The following ZNF142 variants were observed in gnomAD, a reference collection of about 807,000 sequenced individuals.
ZNF142 encodes zinc finger protein 142 (clone pHZ-49).
ZNF142 carries 96 observed loss-of-function variants against 132.1 expected under a neutral mutation model. That is an observed-to-expected ratio of 0.73 (90% CI 0.62 to 0.86). The LOEUF is 0.86. Among genes scored for constraint, ZNF142 ranks in the 40% least tolerant of loss-of-function variants. The probability of loss-of-function intolerance (pLI) is 0.00; values close to 1 mark genes in which losing one functional copy is unlikely to be tolerated. For missense variants in ZNF142, 2,163 were observed against 2,336.2 expected, an observed-to-expected ratio of 0.93 and a Z score of 1.53; for synonymous variants, 842 against 890.1, an observed-to-expected ratio of 0.95 and a Z score of 0.96.
chr2:218,638,207 G>C lies in ZNF142; in HGVS notation c.*132C>G. 1 of 771,340 alleles carries C rather than the reference G, an allele frequency of 1.3e-6. No individual in the cohort carries two copies. The highest frequency in any genetic ancestry group is 1.9e-6 in the Non-Finnish European group (1 of 538,914). The allele number at this position is 771,340 out of a possible 1,614,324, so 47.8% of individuals were successfully genotyped here. ...TCAAAGTACTATAGCCAGAGTCCCA[G>C]GAAGGTTCTAGTCACCCTTGTACCC... On this transcript the variant is annotated 3_prime_UTR_variant, in exon 11 of 11. Transcript: ENST00000411696.
rs368240968 is a variant in ZNF142 at position 218,649,014 on chromosome 2, G to A, written c.1494C>T (p.Pro498=). The change falls in exon 7 of 11, where the codon CCC becomes CCT. Residue 498 remains proline, a synonymous_variant. Transcript: ENST00000411696. ...CFQEGCSYAA[P]DRKAFIKHLK... ...GGTGCTTAATGAAGGCCTTGCGGTC[G>A]GGTGCTGCATAGCTGCAGCCCTCCT... 3.0e-5 allele frequency: 49 copies of A among 1,612,362 alleles called. No individual in the cohort carries two copies. The highest frequency in any genetic ancestry group is 2.0e-4 in the East Asian group (9 of 44,888).
In ZNF142 at chr2:218,636,591, C is replaced by T. The variant is rs150976760; in HGVS notation, c.*1748G>A. 5.0e-3 allele frequency: 8,058 copies of T among 1,611,804 alleles called. 63 individuals carry two copies. The highest frequency in any genetic ancestry group is 0.022 in the South Asian group (1,986 of 90,980). On this transcript the variant is annotated 3_prime_UTR_variant, in exon 11 of 11. Coordinates refer to ENST00000411696, the MANE Select transcript of ZNF142 (RefSeq NM_001379659.1). ...GATGAGTCCTGAGGTGGGCATTTCACGGGAAGGGTTGGTGTGCTGGCTTTA... is the reference window on the plus strand; with the variant it reads ...GATGAGTCCTGAGGTGGGCATTTCATGGGAAGGGTTGGTGTGCTGGCTTTA...
chr2:218,634,841 GC>G lies in ZNF142; in HGVS notation c.*3497del, dbSNP rs1696620530. Among the ~76,000 whole-genome samples the G allele has an allele frequency of 6.6e-6, 1 of 152,162 alleles. No individual in the cohort carries two copies. Among genetic ancestry groups the G allele is most frequent in the Admixed American group, 6.5e-5 (1 of 15,274 alleles). ...CCTTAACCTCTCCATACCTCAGTCTGCTCACCTGCAAAATAGGGGTAACACT... is the reference window on the plus strand; with the variant it reads ...CCTTAACCTCTCCATACCTCAGTCTGTCACCTGCAAAATAGGGGTAACACT... On this transcript the variant is annotated 3_prime_UTR_variant, in exon 11 of 11. Coordinates refer to ENST00000411696, the MANE Select transcript of ZNF142 (RefSeq NM_001379659.1). This position sits in a 1 kb window ranked among gnomAD's most constrained non-coding sequence, Gnocchi z 4.0.
chr2:218,643,968 C>T lies in ZNF142; in HGVS notation c.3148G>A (p.Ala1050Thr), dbSNP rs1697500120. ...CCAGTCCTGGAGTGCAGATTCAGGGCCTTCTCCCGGCGAGTGATAAAAGGG... is the reference window on the plus strand; with the variant it reads ...CCAGTCCTGGAGTGCAGATTCAGGGTCTTCTCCCGGCGAGTGATAAAAGGG... ...HCPFITRREK[A>T]LNLHSRTGCQ... Residue 1050 changes from alanine to threonine, a missense_variant, in exon 9 of 11, where the codon GCC (alanine) becomes ACC (threonine). This residue lies in a region of ZNF142 where 809 missense variants were observed against 801.7 expected (regional missense o/e 1.01). Coordinates refer to ENST00000411696, the MANE Select transcript of ZNF142 (RefSeq NM_001379659.1). 1 of 1,614,134 alleles carries T rather than the reference C, an allele frequency of 6.2e-7. No homozygotes were observed. Among genetic ancestry groups the T allele is most frequent in the Non-Finnish European group, 8.5e-7 (1 of 1,180,026 alleles).
At chr2:218,657,194 G>T (rs987903068) in intron 3 of ZNF142, among the ~76,000 whole-genome samples, 1 of 151,894 alleles carries the variant, frequency 6.6e-6, no homozygotes, top group Non-Finnish European at 1.5e-5. Flanking sequence ...TCATCATCTG[G>T]CTCCTGCTGA....
In ZNF142 at chr2:218,635,700, C is replaced by T; in HGVS notation, c.*2639G>A. The stretch of plus-strand genomic sequence containing the variant: ...TATATTACCCATGGAGGATGTTTTA[C>T]AAACCAAAAAGCTTCTTCTCCCCTG... On this transcript the variant is annotated 3_prime_UTR_variant, in exon 11 of 11. Coordinates refer to ENST00000411696, the MANE Select transcript of ZNF142 (RefSeq NM_001379659.1). The T allele has an allele frequency of 6.8e-7, 1 of 1,464,950 alleles. No homozygotes were observed. The highest frequency in any genetic ancestry group is 9.1e-7 in the Non-Finnish European group (1 of 1,101,628). 90.7% of individuals were successfully genotyped at this position (1,464,950 alleles called of 1,614,324 possible).
Position 218,650,407 on chromosome 2 carries a change from C to T in ZNF142, c.1000G>A (p.Asp334Asn), listed in dbSNP as rs1937873521. 2 of 1,614,076 alleles carry T rather than the reference C, an allele frequency of 1.2e-6. No homozygotes were observed. The highest frequency in any genetic ancestry group is 1.7e-6 in the Non-Finnish European group (2 of 1,180,042). ...EKEEKSDTQK[D>N]SQKAVDKGQG... ...CCTTTATCCACAGCCTTTTGGGAGT[C>T]CTTCTGGGTGTCACTCTTCTCTTCT... Residue 334 changes from aspartate to asparagine, a missense_variant, in exon 6 of 11, where the codon GAC becomes AAC. By Grantham distance (23) the Asp-to-Asn change is conservative. Transcript: ENST00000411696.
rs780346164 is a variant in ZNF142, at chr2:218,648,821, TC to T, written c.1686del (p.Lys563SerfsTer29). On this transcript the variant is annotated frameshift_variant, in exon 7 of 11. Coordinates refer to ENST00000411696, the MANE Select transcript of ZNF142 (RefSeq NM_001379659.1). LOFTEE classifies it high-confidence loss of function. Reference protein sequence around the residue: ...CSNKHLFRKHKKQGHPGSEEL... With the variant: ...CSNKHLFRKHXKQGHPGSEEL... ...TCTTCACTGCCAGGGTGGCCCTGCT[TC>T]TTGTGTTTACGGAATAGGTGCTTAT... The T allele has an allele frequency of 1.1e-5, 17 of 1,614,092 alleles. No individual in the cohort carries two copies.
chr2:218,643,841 A>G lies in ZNF142; in HGVS notation c.3275T>C (p.Leu1092Pro). ...STHLLKKCPV[L>P]LRKNKGLPRP... ...GGGCAAGCCCTTGTTCTTTCTGAGT[A>G]GAACAGGGCACTTCTTCAGCAGGTG... is the stretch of plus-strand genomic sequence containing the variant. The change falls in exon 9 of 11, where the codon CTA (leucine) becomes CCA (proline). Residue 1092 changes from leucine (L) to proline (P), a missense_variant. Around this residue, in one of 7 missense-constraint regions of ZNF142, gnomAD observed 809 missense variants for 801.7 expected, o/e 1.01. Coordinates refer to ENST00000411696, the MANE Select transcript of ZNF142 (RefSeq NM_001379659.1). The G allele has an allele frequency of 6.2e-7, 1 of 1,613,892 alleles. No individual in the cohort carries two copies. Among genetic ancestry groups the G allele is most frequent in the South Asian group, 1.1e-5 (1 of 91,014 alleles).
intron 3 of ZNF142, among the ~76,000 whole-genome samples, chr2:218,658,357 T>C (rs915104639): frequency 2.6e-5 from 4 of 152,068 alleles, no homozygotes; most frequent in African/African-American, 7.2e-5. Flanking sequence ...CTGGCGAACA[T>C]TGTGAAACCC....
Position 218,643,152 on chromosome 2 carries a change from G to A in ZNF142, c.3964C>T (p.His1322Tyr), listed in dbSNP as rs1420693074. The change falls in exon 9 of 11, where the codon CAC (histidine) becomes TAC (tyrosine). Residue 1322 changes from histidine (H) to tyrosine (Y), a missense_variant. Transcript: ENST00000411696. ...SCQQERALRTHQIRGCPLEES... is the reference protein window; with the variant it reads ...SCQQERALRTYQIRGCPLEES... ...TCGAGGGGGCAGCCCCGGATCTGGT[G>A]AGTCCTCAGAGCCCGTTCCTGCTGG... 2.5e-6 allele frequency: 4 copies of A among 1,614,208 alleles called. No homozygotes were observed. In the East Asian group the frequency reaches 8.9e-5, roughly 36 times the overall value.
rs188734714 is a variant in ZNF142 at position 218,638,649 on chromosome 2, C to A, written c.5354G>T (p.Arg1785Leu). Residue 1785 changes from arginine to leucine, a missense_variant, in exon 11 of 11, where the codon CGC (arginine) becomes CTC (leucine). Transcript: ENST00000411696. ...ATAGGGTTTGGCCTCACTGTGCTTGCGAAGGTGGGTGCGCAGCAGGAAGCG... is the reference window on the plus strand; with the variant it reads ...ATAGGGTTTGGCCTCACTGTGCTTGAGAAGGTGGGTGCGCAGCAGGAAGCG... Reference protein sequence around the residue: ...KTRFLLRTHLRKHSEAKPYVC... With the variant: ...KTRFLLRTHLLKHSEAKPYVC... The A allele has an allele frequency of 6.2e-7, 1 of 1,614,206 alleles. No individual in the cohort carries two copies. The highest frequency in any genetic ancestry group is 8.5e-7 in the Non-Finnish European group (1 of 1,180,038).
At chr2:218,656,025 C>T in intron 4 of ZNF142, 125 bp downstream of exon 4, 2 of 1,229,436 alleles carry the variant, frequency 1.6e-6, no homozygotes, top group Non-Finnish European at 1.1e-6. Context: ...CAAATGACAA[C>T]ATCTCCAAGT....
rs536417785 is a variant in ZNF142 at position 218,638,893 on chromosome 2, A to C, written c.5195-85T>G. ...GGAGTTACTGCAATCAGTGGATATAAAGAATGCAAGCAGCAAGTTGACTAA... is the reference window on the plus strand; with the variant it reads ...GGAGTTACTGCAATCAGTGGATATACAGAATGCAAGCAGCAAGTTGACTAA... On this transcript the variant is annotated intron_variant, in intron 10 of 10. Transcript: ENST00000411696. 2.1e-5 allele frequency: 23 copies of C among 1,087,984 alleles called. No individual in the cohort carries two copies. The African/African-American group carries it at 3.5e-4, about 16-fold the overall frequency. 67.4% of individuals were successfully genotyped at this position (1,087,984 alleles called of 1,614,324 possible).
rs1327280475 is a variant in ZNF142 at position 218,643,522 on chromosome 2, C to T, written c.3594G>A (p.Lys1198=). Residue 1198 remains lysine (K), a synonymous_variant, in exon 9 of 11, where the codon AAG becomes AAA. Coordinates refer to ENST00000411696, the MANE Select transcript of ZNF142 (RefSeq NM_001379659.1). The part of the protein sequence containing the change: ...GNSSPTEAPK[K]HHLDPVPPAG... ...CAGGAGGGACTGGGTCAAGGTGGTG[C>T]TTCTTAGGGGCCTCCGTGGGTGAGG... 2 of 1,611,192 alleles carry T rather than the reference C, an allele frequency of 1.2e-6. No homozygotes were observed. The highest frequency in any genetic ancestry group is 1.7e-5 in the Admixed American group (1 of 59,920).
Position 218,635,867 on chromosome 2 carries a change from A to C in ZNF142, c.*2472T>G, listed in dbSNP as rs1696704681. Reference sequence around the variant, plus strand: ...GGTCCATTGTGGATCCACTGGTGAAAGTGCAGATCTTTGGCGTTCGTCTAG... The same window carrying C: ...GGTCCATTGTGGATCCACTGGTGAACGTGCAGATCTTTGGCGTTCGTCTAG... On this transcript the variant is annotated 3_prime_UTR_variant, in exon 11 of 11. Coordinates refer to ENST00000411696, the MANE Select transcript of ZNF142 (RefSeq NM_001379659.1). 1 of 1,613,880 alleles carries C rather than the reference A, an allele frequency of 6.2e-7. No homozygotes were observed. Among genetic ancestry groups the C allele is most frequent in the Non-Finnish European group, 8.5e-7 (1 of 1,179,900 alleles).
At position 218,649,209 on chromosome 2, in the gene ZNF142, T is replaced by A; in HGVS notation, c.1299A>T (p.Ala433=). The change falls in exon 7 of 11, where the codon GCA becomes GCT. Residue 433 remains alanine, a synonymous_variant. Transcript: ENST00000411696. ...LCHYSAVERN[A]LNRHMASMHE... The stretch of plus-strand genomic sequence containing the variant: ...GCATGCTGGCCATGTGGCGGTTGAG[T>A]GCATTCCTCTCCACCGCACTGTAGT... 6.2e-7 allele frequency: 1 copy of A among 1,614,124 alleles called. No homozygotes were observed. Among genetic ancestry groups the A allele is most frequent in the Non-Finnish European group, 8.5e-7 (1 of 1,180,010 alleles).
chr2:218,643,580 T>C lies in ZNF142; in HGVS notation c.3536A>G (p.His1179Arg), dbSNP rs753864853. ...TGCAGGAGGGACTGGGTCAAAGCAG[T>C]GCTTCTTAGGGGCCTCTGTGGGCAA... is the stretch of plus-strand genomic sequence containing the variant. The part of the protein sequence containing the change: ...NSLPTEAPKK[H>R]CFDPVPPAGN... Residue 1179 changes from histidine (H) to arginine (R), a missense_variant, in exon 9 of 11, where the codon CAC (histidine) becomes CGC (arginine). By Grantham distance (29) the His-to-Arg change is conservative (BLOSUM62 0). Coordinates refer to ENST00000411696, the MANE Select transcript of ZNF142 (RefSeq NM_001379659.1). 6.3e-7 allele frequency: 1 copy of C among 1,585,782 alleles called. No individual in the cohort carries two copies. Among genetic ancestry groups the C allele is most frequent in the Non-Finnish European group, 8.6e-7 (1 of 1,165,418 alleles).
Position 218,646,200 on chromosome 2 carries a change from C to T in ZNF142, c.2022G>A (p.Val674=), listed in dbSNP as rs1222383116. 1 of 1,613,994 alleles carries T rather than the reference C, an allele frequency of 6.2e-7. No homozygotes were observed. The highest frequency in any genetic ancestry group is 1.3e-5 in the African/African-American group (1 of 75,038). ...GGTCCCCTGCATGTTTTCGCATGTG[C>T]ACACGGAGGTAGTGCTTCCACTTGG... ...YVTKWKHYLR[V]HMRKHAGDLR... is the part of the protein sequence containing the mutation. The change falls in exon 8 of 11, where the codon GTG becomes GTA. Residue 674 remains valine (V), a synonymous_variant. Transcript: ENST00000411696.
Sources: allele counts gnomAD v4.1 joint callset (sites outside exome capture counted in the v4.1 genomes callset), GRCh38; gene constraint gnomAD v4.1.1; regional missense constraint gnomAD v4.1.1; non-coding constraint Gnocchi (gnomAD v3.1); transcripts MANE v1.5; gene names NCBI Gene and HGNC (gene_info 2026-07-23, HGNC 2026-07-21).